The following SBF2 variants were observed in gnomAD, a reference collection of about 807,000 sequenced individuals.
SBF2 encodes the protein SET binding factor 2.
Under a neutral mutation model 225.2 loss-of-function variants are expected in SBF2, and 112 were observed. The observed-to-expected ratio is 0.50, with a 90% CI of 0.43 to 0.58. The LOEUF (loss-of-function observed/expected upper bound fraction) is 0.58. SBF2 is among the 20% of genes least tolerant of loss of function. The pLI is 0.00. For synonymous variants in SBF2, 763 were observed against 773.3 expected, an observed-to-expected ratio of 0.99 and a Z score of 0.22; for missense variants, 1,996 against 2,206.2, an observed-to-expected ratio of 0.90 and a Z score of 1.91.
At chr11:10,067,241 T>C (rs999122209) in intron 2 of SBF2, among the ~76,000 whole-genome samples, 1 of 152,234 alleles carries the variant, frequency 6.6e-6, no homozygotes, top group Non-Finnish European at 1.5e-5. Flanking sequence ...ATGTATATTG[T>C]TGAAGGGCTG....
chr11:10,000,062 C>T (rs1947891521), intron 8 of SBF2, among the ~76,000 whole-genome samples: 1 of 152,174 alleles, frequency 6.6e-6, no homozygotes, highest in South Asian at 2.1e-4. Flanking sequence ...CTTGAGAGTA[C>T]ACTCCTCATC....
chr11:10,030,106 TA>T (rs1949200322), intron 4 of SBF2, among the ~76,000 whole-genome samples: 2 of 152,214 alleles, frequency 1.3e-5, no homozygotes, highest in Admixed American at 6.6e-5. Flanking sequence ...CCATAATTTG[TA>T]AAACAGATGT....
intron 1 of SBF2, among the ~76,000 whole-genome samples, chr11:10,226,225 A>C (rs1958534465): frequency 6.6e-6 from 1 of 152,222 alleles, no homozygotes; most frequent in South Asian, 2.1e-4. Context: ...AAGATGTCCC[A>C]AAAAACCAAG....
At chr11:9,801,920 T>C (rs565310791) in intron 32 of SBF2, among the ~76,000 whole-genome samples, 1 of 152,334 alleles carries the variant, frequency 6.6e-6, no homozygotes, top group South Asian at 2.1e-4. Context: ...AAAAGGCAAA[T>C]AGCTTTTTTC....
chr11:10,161,184 CAAAAAAAA>C (rs56779207), intron 2 of SBF2, among the ~76,000 whole-genome samples: 1 of 75,334 alleles, frequency 1.3e-5, no homozygotes, highest in African/African-American at 5.3e-5. Context: ...GACTCTGTCT[CAAAAAAAA>C]AAAAAAAAAA....
chr11:10,143,288 C>T (rs1036810317), intron 2 of SBF2, among the ~76,000 whole-genome samples: 19 of 152,124 alleles, frequency 1.2e-4, no homozygotes, highest in African/African-American at 4.1e-4. Context: ...TCTCTTACCT[C>T]GGCCTCCCAA....
chr11:10,033,946 G>C (rs1949350749), intron 3 of SBF2, among the ~76,000 whole-genome samples: 1 of 152,012 alleles, frequency 6.6e-6, no homozygotes, highest in Admixed American at 6.6e-5. Context: ...TCAAAACATA[G>C]TCTATGAATA....
intron 1 of SBF2, among the ~76,000 whole-genome samples, chr11:10,194,204 C>T (rs1289835756): frequency 6.6e-6 from 1 of 151,924 alleles, no homozygotes; most frequent in East Asian, 1.9e-4. Flanking sequence ...AGACACCCAA[C>T]CATGAATTGA....
chr11:10,243,138 C>G (rs1305767902), intron 1 of SBF2, among the ~76,000 whole-genome samples: 1 of 151,868 alleles, frequency 6.6e-6, no homozygotes, highest in East Asian at 1.9e-4. Context: ...AGTATCTTTT[C>G]CAGCCACAAT....
intron 16 of SBF2, among the ~76,000 whole-genome samples, chr11:9,937,036 T>C (rs1864948188): frequency 6.6e-6 from 1 of 152,092 alleles, no homozygotes; most frequent in African/African-American, 2.4e-5. Context: ...ACATGAATTC[T>C]GAGGAACATA....
intron 16 of SBF2, among the ~76,000 whole-genome samples, chr11:9,900,817 G>A (rs1819244076): frequency 6.6e-6 from 1 of 152,130 alleles, no homozygotes; most frequent in East Asian, 1.9e-4. Context: ...GTTTACTGCA[G>A]CCCTGAACTC....
intron 1 of SBF2, among the ~76,000 whole-genome samples, chr11:10,243,926 A>G (rs1959491188): frequency 6.6e-6 from 1 of 152,186 alleles, no homozygotes; most frequent in Admixed American, 6.5e-5. Context: ...AAACAAGGAA[A>G]TTTGTAATCT....
chr11:10,177,627 A>G (rs1027790035), intron 2 of SBF2, among the ~76,000 whole-genome samples: 4 of 151,552 alleles, frequency 2.6e-5, no homozygotes, highest in African/African-American at 9.7e-5. Flanking sequence ...TAGGAATCCA[A>G]CTTACAAGGG....
chr11:10,144,668 A>G (rs1240693908), intron 2 of SBF2, among the ~76,000 whole-genome samples: 1 of 152,230 alleles, frequency 6.6e-6, no homozygotes, highest in Non-Finnish European at 1.5e-5. Context: ...ACATTCTAGG[A>G]AGTTGAGATG....
At chr11:9,982,658 C>T (rs1167679823) in intron 13 of SBF2, among the ~76,000 whole-genome samples, 1 of 152,180 alleles carries the variant, frequency 6.6e-6, no homozygotes, top group African/African-American at 2.4e-5. Context: ...AGCTCTAGAT[C>T]AACTGCAAGA....
chr11:9,825,997 G>A (rs1255708817), intron 28 of SBF2, among the ~76,000 whole-genome samples: 3 of 152,124 alleles, frequency 2.0e-5, no homozygotes, highest in African/African-American at 7.2e-5. Context: ...TTTAAACGAA[G>A]AATCACATGA....
At chr11:10,291,657 AACACACACACACACACACACACAC>A (rs10580039) in intron 1 of SBF2, among the ~76,000 whole-genome samples, 4 of 145,970 alleles carry the variant, frequency 2.7e-5, no homozygotes, top group South Asian at 2.2e-4. Flanking sequence ...TAATCCACTA[AACACACACACACACACACACACAC>A]ACACACACAC....
intron 2 of SBF2, among the ~76,000 whole-genome samples, chr11:10,159,659 T>C (rs1380961867): frequency 6.6e-6 from 1 of 152,126 alleles, no homozygotes; most frequent in Non-Finnish European, 1.5e-5. Flanking sequence ...CCCTAGCACT[T>C]TGGGAGGCCA....
chr11:9,967,714 G>A (rs1396542293), intron 14 of SBF2, among the ~76,000 whole-genome samples: 2 of 152,060 alleles, frequency 1.3e-5, no homozygotes, highest in Admixed American at 1.3e-4. Flanking sequence ...TCGGGAGTTC[G>A]AGACCAGCCT....
Sources: allele counts gnomAD v4.1 joint callset (sites outside exome capture counted in the v4.1 genomes callset), GRCh38; gene constraint gnomAD v4.1.1; transcripts MANE v1.5; gene names NCBI Gene and HGNC (gene_info 2026-07-23, HGNC 2026-07-21).